The following CCDC150 variants were observed in gnomAD, a reference collection of about 807,000 sequenced individuals.
CCDC150 encodes the protein coiled-coil domain-containing protein 150.
A neutral mutation model predicts 156.5 loss-of-function variants in CCDC150; 151 were observed. That is an observed-to-expected ratio of 0.97 (90% CI 0.85 to 1.10). The LOEUF is 1.10. Ranked by LOEUF, CCDC150 falls within the 50% of genes least tolerant of loss-of-function variation. CCDC150 has a pLI of 0.00. For synonymous variants in CCDC150, 452 were observed against 429.4 expected (o/e 1.05, Z -0.65); for missense variants, 1,312 against 1,268.1 (o/e 1.03, Z -0.53).
chr2:196,639,832 T>A, intron 1 of CCDC150, 54 bp downstream of exon 1: 1 of 1,525,092 alleles, frequency 6.6e-7, no homozygotes, highest in Admixed American at 1.8e-5. Context: ...TCGCGAGGCT[T>A]CGGCTCAGAT....
At chr2:196,642,891 C>G (rs920930455) in intron 1 of CCDC150, among the ~76,000 whole-genome samples, 4 of 152,166 alleles carry the variant, frequency 2.6e-5, no homozygotes, top group Admixed American at 2.0e-4. Context: ...AGGCACAGGC[C>G]ACCATGCCCA....
intron 22 of CCDC150, 128 bp from the exon 23 acceptor site, chr2:196,729,062 ACAT>A (rs776175372): frequency 8.9e-6 from 7 of 788,004 alleles, no homozygotes; most frequent in Non-Finnish European, 1.4e-5. Context: ...GCTTAATCAG[ACAT>A]TATTATTGCC....
At chr2:196,693,796 A>G (rs1407337625) in intron 13 of CCDC150, among the ~76,000 whole-genome samples, 1 of 152,162 alleles carries the variant, frequency 6.6e-6, no homozygotes, top group Non-Finnish European at 1.5e-5. Flanking sequence ...TTTTTAATCA[A>G]CTAGAGGTGG....
At chr2:196,697,268 G>T (rs1167163356) in intron 14 of CCDC150, among the ~76,000 whole-genome samples, 1 of 152,070 alleles carries the variant, frequency 6.6e-6, no homozygotes, top group African/African-American at 2.4e-5. Flanking sequence ...ATTATTCTCT[G>T]CTATTTCTTT....
At chr2:196,710,071 G>A (rs898416621) in intron 15 of CCDC150, among the ~76,000 whole-genome samples, 1 of 152,256 alleles carries the variant, frequency 6.6e-6, no homozygotes, top group African/African-American at 2.4e-5. Flanking sequence ...GTTTAAGTCT[G>A]CAGAAGTTTC....
chr2:196,656,605 A>G (rs1197655342), intron 2 of CCDC150, 28 bp from the exon 3 acceptor site: 5 of 1,478,508 alleles, frequency 3.4e-6, no homozygotes, highest in Non-Finnish European at 4.7e-6. Flanking sequence ...GCATTGCATA[A>G]TATTGTTATA....
rs190816467 is a variant in CCDC150 at position 196,672,254 on chromosome 2, T to A, written c.937-91T>A. The A allele has an allele frequency of 1.2e-5, 6 of 518,118 alleles. No individual in the cohort carries two copies. The East Asian group carries it at 2.1e-4, about 18-fold the overall frequency. 32.1% of individuals were successfully genotyped at this position (518,118 alleles called of 1,614,324 possible). On this transcript the variant is annotated intron_variant, in intron 8 of 27. Transcript: ENST00000389175. ...AGTGTATGTCATTGGAACTTGAACT[T>A]GTACTGGCCGAAATACAAAACAGTT... is the stretch of plus-strand genomic sequence containing the variant.
intron 15 of CCDC150, among the ~76,000 whole-genome samples, chr2:196,708,584 G>C (rs1275620274): frequency 6.6e-6 from 1 of 152,166 alleles, no homozygotes; most frequent in Non-Finnish European, 1.5e-5. Flanking sequence ...ATTAGTTGAT[G>C]CAGTTTCTTC....
Position 196,721,673 on chromosome 2 carries a change from A to G in CCDC150, c.2411A>G (p.Gln804Arg). ...TTGGAAAGCAAAGAACTTGAGCGAC[A>G]GAATTTGGAAACCTTCAAGTAAGAG... ...EQLESKELER[Q>R]NLETFKDRMT... The change falls in exon 21 of 28, where the codon CAG becomes CGG. Residue 804 changes from glutamine to arginine, a missense_variant. Physicochemically the swap from Gln to Arg is conservative, Grantham distance 43. Coordinates refer to ENST00000389175, the MANE Select transcript of CCDC150 (RefSeq NM_001080539.2). 6.3e-7 allele frequency: 1 copy of G among 1,598,376 alleles called. No homozygotes were observed. Among genetic ancestry groups the G allele is most frequent in the Non-Finnish European group, 8.5e-7 (1 of 1,173,184 alleles).
chr2:196,660,663 ATTG>A (rs1434033145), intron 5 of CCDC150, among the ~76,000 whole-genome samples: 1 of 152,044 alleles, frequency 6.6e-6, no homozygotes, highest in Non-Finnish European at 1.5e-5. Context: ...GTTATTTCTT[ATTG>A]TTATGTTTTA....
Position 196,712,740 on chromosome 2 carries a change from G to C in CCDC150, c.1866+1G>C. 6.2e-7 allele frequency: 1 copy of C among 1,607,748 alleles called. No homozygotes were observed. The highest frequency in any genetic ancestry group is 8.5e-7 in the Non-Finnish European group (1 of 1,176,408). On this transcript the variant is annotated splice_donor_variant, in intron 17 of 27. Coordinates refer to ENST00000389175, the MANE Select transcript of CCDC150 (RefSeq NM_001080539.2). LOFTEE classifies it high-confidence loss of function. Reference sequence around the variant, plus strand: ...GCAGGCAGATGCTCACCTGAAAGAAGTATTGGTAATGAAAGTGCTTACTTG... The same window carrying C: ...GCAGGCAGATGCTCACCTGAAAGAACTATTGGTAATGAAAGTGCTTACTTG...
At position 196,656,948 on chromosome 2, in the gene CCDC150, G is replaced by T. The variant is rs192386368; in HGVS notation, c.398-10G>T. 2.8e-3 allele frequency: 4,450 copies of T among 1,612,818 alleles called. 199 individuals are homozygous for T. In the Admixed American group the frequency reaches 0.07, roughly 25 times the overall value. On this transcript the variant is annotated splice_polypyrimidine_tract_variant and intron_variant, in intron 3 of 27. Transcript: ENST00000389175. ...CTGCTGCTTGATGCCCCTCCTGTGCGGTCTGGTAGCTTTTCTGAAAGATCG... is the reference window on the plus strand; with the variant it reads ...CTGCTGCTTGATGCCCCTCCTGTGCTGTCTGGTAGCTTTTCTGAAAGATCG...
In CCDC150 at chr2:196,729,588, A is replaced by G. The variant is rs1263217578; in HGVS notation, c.2751+201A>G. The G allele has an allele frequency of 6.0e-6, 4 of 661,414 alleles. No individual in the cohort carries two copies. In the African/African-American group the frequency reaches 7.3e-5, roughly 12 times the overall value. The allele number at this position is 661,414 out of a possible 1,614,324, so 41.0% of individuals were successfully genotyped here. On this transcript the variant is annotated intron_variant, in intron 23 of 27. Coordinates refer to ENST00000389175, the MANE Select transcript of CCDC150 (RefSeq NM_001080539.2). Reference sequence around the variant, plus strand: ...ATTTCTCATTTGCTGCCAGTGTCACATTCCGGCTCCCTATCTGTCCCTTCC... The same window carrying G: ...ATTTCTCATTTGCTGCCAGTGTCACGTTCCGGCTCCCTATCTGTCCCTTCC...
intron 13 of CCDC150, among the ~76,000 whole-genome samples, chr2:196,682,715 G>T (rs1259798964): frequency 6.6e-6 from 1 of 151,958 alleles, no homozygotes; most frequent in Admixed American, 6.5e-5. Flanking sequence ...TTATGATGTT[G>T]ATAAGAAAAA....
intron 23 of CCDC150, 179 bp from the exon 24 acceptor site, chr2:196,729,614 G>A (rs942535669): frequency 1.4e-4 from 92 of 658,094 alleles, no homozygotes; most frequent in South Asian, 1.4e-4. Context: ...TGTCCCTTCC[G>A]TGTTGATTGT....
chr2:196,677,311 GAAAT>G lies in CCDC150; in HGVS notation c.1461_1464del (p.Ile488CysfsTer11). The G allele has an allele frequency of 6.4e-7, 1 of 1,570,390 alleles. No homozygotes were observed. The highest frequency in any genetic ancestry group is 1.4e-5 in the African/African-American group (1 of 73,966). On this transcript the variant is annotated frameshift_variant, in exon 13 of 28. Transcript: ENST00000389175. LOFTEE classifies it high-confidence loss of function. ...TGGGCAGGTTAATAAAACAGAAAAA[GAAAT>G]AGTGCAAGAAAGATGCAATTTGGAA... is the stretch of plus-strand genomic sequence containing the variant.
intron 14 of CCDC150, among the ~76,000 whole-genome samples, chr2:196,695,567 G>C (rs1695766589): frequency 1.3e-5 from 2 of 152,112 alleles, no homozygotes; most frequent in African/African-American, 4.8e-5. Context: ...CTCCAGGTGG[G>C]GCGCGGTGGC....
intron 13 of CCDC150, among the ~76,000 whole-genome samples, chr2:196,688,360 A>G (rs1000148976): frequency 3.3e-5 from 5 of 152,082 alleles, no homozygotes; most frequent in Admixed American, 2.0e-4. Context: ...TTTTGTGGCA[A>G]CTGTGAATGG....
At position 196,660,031 on chromosome 2, in the gene CCDC150, C is replaced by T. The variant is rs147553020; in HGVS notation, c.645+1171C>T. On this transcript the variant is annotated intron_variant, in intron 5 of 27. Transcript: ENST00000389175. ...TGACAACCACTGATCTTTTTATTGT[C>T]TCTCTAGTCCTGTTATTGTTGGAAT... Among the ~76,000 whole-genome samples, 27 of 152,246 alleles carry T rather than the reference C, an allele frequency of 1.8e-4. No homozygotes were observed. The East Asian group carries it at 5.2e-3, about 29-fold the overall frequency.
Sources: gnomAD v4.1 joint callset for allele counts (sites outside exome capture counted in the v4.1 genomes callset) on GRCh38, gnomAD v4.1.1 for gene constraint, MANE v1.5 for transcripts, NCBI Gene and HGNC (gene_info 2026-07-23, HGNC 2026-07-21) for gene names.